The following LRRC69 variants were observed in gnomAD, a reference collection of about 807,000 sequenced individuals.
LRRC69 encodes leucine-rich repeat-containing protein 69.
Under a neutral mutation model 37.8 loss-of-function variants are expected in LRRC69, and 42 were observed. The observed-to-expected ratio is 1.11, with a 90% CI of 0.87 to 1.44. The LOEUF (loss-of-function observed/expected upper bound fraction) is 1.44. Ranked by LOEUF, LRRC69 falls within the 40% of genes most tolerant of loss-of-function variation. The probability of loss-of-function intolerance (pLI) is 0.00; values close to 1 mark genes in which losing one functional copy is unlikely to be tolerated. For synonymous variants in LRRC69, 141 were observed against 143.1 expected, an observed-to-expected ratio of 0.99 and a Z score of 0.11; for missense variants, 357 against 401.9, an observed-to-expected ratio of 0.89 and a Z score of 0.96.
At chr8:91,141,892 A>G (rs1369798376) in intron 5 of LRRC69, among the ~76,000 whole-genome samples, 1 of 151,908 alleles carries the variant, frequency 6.6e-6, no homozygotes, top group African/African-American at 2.4e-5. Context: ...AAAAAACATT[A>G]TTATTTGCTG....
chr8:91,195,631 T>C (rs1809583766), intron 6 of LRRC69, among the ~76,000 whole-genome samples: 1 of 152,050 alleles, frequency 6.6e-6, no homozygotes, highest in African/African-American at 2.4e-5. Context: ...TCTTTATTGG[T>C]TTAAAGTCTG....
intron 7 of LRRC69, among the ~76,000 whole-genome samples, chr8:91,208,835 A>G (rs895527560): frequency 1.3e-5 from 2 of 152,070 alleles, no homozygotes; most frequent in Non-Finnish European, 2.9e-5. Context: ...GCTCCGTGGT[A>G]GTGTCTACTT....
chr8:91,155,937 A>G (rs1808827247), intron 5 of LRRC69, among the ~76,000 whole-genome samples: 1 of 146,852 alleles, frequency 6.8e-6, no homozygotes, highest in East Asian at 2.0e-4. Flanking sequence ...TACACACACC[A>G]TATATATATA....
chr8:91,140,458 G>A (rs1808512140), intron 5 of LRRC69, among the ~76,000 whole-genome samples: 1 of 150,580 alleles, frequency 6.6e-6, no homozygotes, highest in African/African-American at 2.4e-5. Context: ...AAAATGTAAG[G>A]TGTCTTTAAG....
intron 6 of LRRC69, among the ~76,000 whole-genome samples, chr8:91,194,467 C>T (rs1315843741): frequency 6.6e-6 from 1 of 151,960 alleles, no homozygotes; most frequent in East Asian, 1.9e-4. Context: ...GCTGTGAATC[C>T]ATCTGGTCCT....
At chr8:91,119,178 C>T (rs1468073814) in intron 1 of LRRC69, among the ~76,000 whole-genome samples, 1 of 151,948 alleles carries the variant, frequency 6.6e-6, no homozygotes, top group Non-Finnish European at 1.5e-5. Flanking sequence ...ATTAATGAAA[C>T]ATCTAGGTTG....
At chr8:91,141,236 T>G (rs1035632496) in intron 5 of LRRC69, among the ~76,000 whole-genome samples, 3 of 152,082 alleles carry the variant, frequency 2.0e-5, no homozygotes, top group Non-Finnish European at 4.4e-5. Flanking sequence ...ATTAGTTTCC[T>G]GAGGCTGCTA....
intron 1 of LRRC69, among the ~76,000 whole-genome samples, chr8:91,122,360 C>T (rs13439536): frequency 0.03 from 4,515 of 151,966 alleles, 95 homozygotes; most frequent in Middle Eastern, 0.044. Flanking sequence ...CCCTCTGGAC[C>T]GAAGGGCAGG....
At chr8:91,121,552 C>T (rs1813621974) in intron 1 of LRRC69, among the ~76,000 whole-genome samples, 1 of 152,056 alleles carries the variant, frequency 6.6e-6, no homozygotes, top group African/African-American at 2.4e-5. Context: ...CTTATTGTCA[C>T]TCAGATCTCA....
chr8:91,147,342 T>C (rs1169894243), intron 5 of LRRC69, among the ~76,000 whole-genome samples: 1 of 149,614 alleles, frequency 6.7e-6, no homozygotes, highest in East Asian at 1.9e-4. Context: ...CTATTTTCAC[T>C]GCCTACTTTC....
intron 5 of LRRC69, among the ~76,000 whole-genome samples, chr8:91,137,361 A>G (rs1332572245): frequency 6.6e-6 from 1 of 152,036 alleles, no homozygotes; most frequent in Non-Finnish European, 1.5e-5. Flanking sequence ...TGCTTGAGCA[A>G]CATAATGGAG....
chr8:91,105,550 G>A (rs1337907510), intron 1 of LRRC69, among the ~76,000 whole-genome samples: 1 of 151,428 alleles, frequency 6.6e-6, no homozygotes, highest in Non-Finnish European at 1.5e-5. Context: ...AGGCACAGTG[G>A]CACGTGCCTC....
intron 5 of LRRC69, among the ~76,000 whole-genome samples, chr8:91,178,708 C>G (rs1199183597): frequency 1.3e-5 from 2 of 152,144 alleles, no homozygotes; most frequent in African/African-American, 4.8e-5. Context: ...GTATGTGATT[C>G]AAGACATGAG....
At chr8:91,150,138 A>G (rs893842487) in intron 5 of LRRC69, among the ~76,000 whole-genome samples, 1 of 152,016 alleles carries the variant, frequency 6.6e-6, no homozygotes, top group African/African-American at 2.4e-5. Context: ...AGGAGTGGTG[A>G]GAGAGGGCAT....
At chr8:91,142,678 G>C (rs900248760) in intron 5 of LRRC69, among the ~76,000 whole-genome samples, 14 of 151,964 alleles carry the variant, frequency 9.2e-5, no homozygotes, top group African/African-American at 3.1e-4. Context: ...TGGTAATGCT[G>C]ATGCTGTAAG....
intron 6 of LRRC69, among the ~76,000 whole-genome samples, chr8:91,195,252 C>G (rs1023201442): frequency 5.9e-5 from 9 of 151,884 alleles, no homozygotes; most frequent in African/African-American, 1.9e-4. Flanking sequence ...CTGAGGAGAG[C>G]TTTACTTCCA....
intron 3 of LRRC69, among the ~76,000 whole-genome samples, chr8:91,129,162 T>C (rs1239460303): frequency 1.3e-5 from 2 of 152,036 alleles, no homozygotes; most frequent in African/African-American, 4.8e-5. Context: ...TGGACAGCGC[T>C]GCACAGGCAC....
At chr8:91,114,839 C>T (rs1330645321) in intron 1 of LRRC69, among the ~76,000 whole-genome samples, 1 of 151,996 alleles carries the variant, frequency 6.6e-6, no homozygotes, top group East Asian at 1.9e-4. Flanking sequence ...TGACACATGA[C>T]TGTATATGCA....
chr8:91,187,522 C>T (rs1350013000), intron 5 of LRRC69, among the ~76,000 whole-genome samples: 1 of 152,180 alleles, frequency 6.6e-6, no homozygotes, highest in Non-Finnish European at 1.5e-5. Context: ...TAAAGGGAAG[C>T]ACATTATTGT....
Sources: allele counts gnomAD v4.1 joint callset (sites outside exome capture counted in the v4.1 genomes callset), GRCh38; gene constraint gnomAD v4.1.1; transcripts MANE v1.5; gene names NCBI Gene and HGNC (gene_info 2026-07-23, HGNC 2026-07-21).